Variants in SLC30A8 observed in about 807,000 individuals in gnomAD.
SLC30A8 encodes the protein solute carrier family 30 member 8.
Under a neutral mutation model 36.9 loss-of-function variants are expected in SLC30A8, and 27 were observed. The ratio of observed to expected loss-of-function variants is 0.73; its 90% CI spans 0.54 to 1.01. SLC30A8 has a LOEUF of 1.01. Among genes scored for constraint, SLC30A8 ranks in the 50% least tolerant of loss-of-function variants. SLC30A8 has a pLI of 0.00. For missense variants in SLC30A8, 439 were observed against 452.0 expected, an observed-to-expected ratio of 0.97 and a Z score of 0.26; for synonymous variants, 164 against 172.4, an observed-to-expected ratio of 0.95 and a Z score of 0.38.
At chr8:116,981,469 A>G (rs1815257622) in intron 1 of SLC30A8, among the ~76,000 whole-genome samples, 1 of 152,212 alleles carries the variant, frequency 6.6e-6, no homozygotes, top group Non-Finnish European at 1.5e-5. Flanking sequence ...TTATACAGGT[A>G]AATTGCATGT....
At chr8:117,046,268 G>A (rs780046549) in intron 2 of SLC30A8, among the ~76,000 whole-genome samples, 1 of 152,110 alleles carries the variant, frequency 6.6e-6, no homozygotes. Flanking sequence ...AATTAGAGGG[G>A]TGGACCCCCC....
At chr8:117,022,199 CAAA>C (rs5894361) in intron 1 of SLC30A8, among the ~76,000 whole-genome samples, 1 of 141,146 alleles carries the variant, frequency 7.1e-6, no homozygotes. Context: ...GACTCCGTCT[CAAA>C]AAAAAAAAAA....
chr8:117,069,014 G>A (rs562910193), intron 2 of SLC30A8, among the ~76,000 whole-genome samples: 27 of 151,986 alleles, frequency 1.8e-4, no homozygotes, highest in Non-Finnish European at 2.5e-4. Context: ...CTTGAATTTC[G>A]CCTTTATTTG....
chr8:117,115,531 A>G (rs888939729), intron 2 of SLC30A8, among the ~76,000 whole-genome samples: 1 of 152,130 alleles, frequency 6.6e-6, no homozygotes, highest in African/African-American at 2.4e-5. Context: ...TTTCATTGTT[A>G]TAATTTTATT....
chr8:116,957,973 A>G (rs1814275247), intron 1 of SLC30A8, among the ~76,000 whole-genome samples: 1 of 152,106 alleles, frequency 6.6e-6, no homozygotes, highest in Admixed American at 6.6e-5. Context: ...CATCTTCCCC[A>G]CAGGATCTAT....
At chr8:117,111,424 T>A (rs1472563575) in intron 2 of SLC30A8, among the ~76,000 whole-genome samples, 1 of 152,134 alleles carries the variant, frequency 6.6e-6, no homozygotes, top group Admixed American at 6.6e-5. Context: ...TTTCTTCTTT[T>A]AGTAATAGCA....
intron 1 of SLC30A8, among the ~76,000 whole-genome samples, chr8:116,961,503 C>T (rs543666329): frequency 1.3e-5 from 2 of 152,078 alleles, no homozygotes; most frequent in East Asian, 3.9e-4. Flanking sequence ...GAATAAAAGA[C>T]ATGAATGAGA....
At chr8:116,982,530 C>T in intron 1 of SLC30A8, among the ~76,000 whole-genome samples, 1 of 152,120 alleles carries the variant, frequency 6.6e-6, no homozygotes, top group Non-Finnish European at 1.5e-5. Context: ...GCTACACACA[C>T]AAGAAAGATT....
At chr8:117,132,485 G>A (rs1254435580), upstream of SLC30A8, among the ~76,000 whole-genome samples, 2 of 151,982 alleles carry the variant, frequency 1.3e-5, no homozygotes, top group South Asian at 2.1e-4. Flanking sequence ...GAGAGTGGGC[G>A]GAGAAGACAA....
intron 1 of SLC30A8, among the ~76,000 whole-genome samples, chr8:117,143,928 G>T (rs1320950820): frequency 6.6e-6 from 1 of 152,054 alleles, no homozygotes; most frequent in African/African-American, 2.4e-5. Context: ...TCTTGCTTTG[G>T]ACTGGCTTCT....
chr8:117,094,335 T>C (rs1156345844), intron 2 of SLC30A8, among the ~76,000 whole-genome samples: 1 of 152,164 alleles, frequency 6.6e-6, no homozygotes, highest in Non-Finnish European at 1.5e-5. Flanking sequence ...AGGAGTTTTA[T>C]TGAGCAGCAG....
rs193248505 is a variant in SLC30A8, at chr8:116,986,163, A to G, written c.-266+35044A>G. On this transcript the variant is annotated intron_variant, in intron 1 of 10. Transcript: ENST00000427715. ...ATTCTTTGTAAACAGAAAAATACCC[A>G]GTACGTAGTTTCTTCTTAGTTTTCT... Among the ~76,000 whole-genome samples, 507 of 152,326 alleles carry G rather than the reference A, an allele frequency of 3.3e-3. 2 individuals are homozygous for G. The highest frequency in any genetic ancestry group is 4.3e-3 in the Non-Finnish European group (294 of 68,026).
intron 2 of SLC30A8, among the ~76,000 whole-genome samples, chr8:117,127,106 G>A (rs376073550): frequency 1.3e-5 from 2 of 151,716 alleles, no homozygotes; most frequent in African/African-American, 4.9e-5. Flanking sequence ...CCTGTCCTTG[G>A]GTTTTTGTTT....
At chr8:117,013,877 A>G (rs904970879) in intron 1 of SLC30A8, among the ~76,000 whole-genome samples, 10 of 152,186 alleles carry the variant, frequency 6.6e-5, no homozygotes, top group African/African-American at 1.9e-4. Context: ...GAATATATTA[A>G]TCATTATCAG....
intron 1 of SLC30A8, among the ~76,000 whole-genome samples, chr8:116,995,435 T>C (rs1815782083): frequency 6.6e-6 from 1 of 152,058 alleles, no homozygotes; most frequent in South Asian, 2.1e-4. Context: ...TCCCACTAGA[T>C]GTGATTCTCC....
At chr8:117,070,370 C>T (rs1818295593) in intron 2 of SLC30A8, among the ~76,000 whole-genome samples, 1 of 152,156 alleles carries the variant, frequency 6.6e-6, no homozygotes. Flanking sequence ...CACAAAGACA[C>T]TGGTTCTCCT....
chr8:116,962,790 T>C (rs922832939), intron 1 of SLC30A8, among the ~76,000 whole-genome samples: 11 of 152,146 alleles, frequency 7.2e-5, no homozygotes, highest in East Asian at 1.9e-4. Flanking sequence ...AAAACTGATA[T>C]ACCCTTTATT....
intron 1 of SLC30A8, among the ~76,000 whole-genome samples, chr8:117,036,590 C>T (rs1271809369): frequency 6.6e-6 from 1 of 152,090 alleles, no homozygotes; most frequent in African/African-American, 2.4e-5. Context: ...GGGAAGCAGG[C>T]ACGTCTTACA....
intron 1 of SLC30A8, among the ~76,000 whole-genome samples, chr8:117,013,413 C>T (rs1816408906): frequency 6.6e-6 from 1 of 152,168 alleles, no homozygotes; most frequent in South Asian, 2.1e-4. Flanking sequence ...GACTGAGCAG[C>T]AGAGATGTTC....
Sources: gnomAD v4.1 joint callset for allele counts (sites outside exome capture counted in the v4.1 genomes callset) on GRCh38, gnomAD v4.1.1 for gene constraint, MANE v1.5 for transcripts, NCBI Gene and HGNC (gene_info 2026-07-23, HGNC 2026-07-21) for gene names.